Variants in FOXN2 observed in about 807,000 individuals in gnomAD.
The protein encoded by FOXN2 is forkhead box protein N2.
A neutral mutation model predicts 41.2 loss-of-function variants in FOXN2; 19 were observed. The ratio of observed to expected loss-of-function variants is 0.46; its 90% CI spans 0.32 to 0.68. The LOEUF (loss-of-function observed/expected upper bound fraction) is 0.68, where lower values mean the gene tolerates loss of function less well. Ranked by LOEUF, FOXN2 falls within the 30% of genes least tolerant of loss-of-function variation. The pLI, the probability that FOXN2 is intolerant of heterozygous loss-of-function variation, is 0.03. For synonymous variants in FOXN2, 195 were observed against 176.8 expected (o/e 1.10, Z -0.82); for missense variants, 587 against 509.4 (o/e 1.15, Z -1.47).
intron 1 of FOXN2, among the ~76,000 whole-genome samples, chr2:48,320,751 T>C (rs141742544): frequency 4.7e-4 from 71 of 152,316 alleles, no homozygotes; most frequent in African/African-American, 1.7e-3. Flanking sequence ...AAATGAATAT[T>C]TGTTAGGATG....
chr2:48,342,068 A>G (rs1450136434), intron 2 of FOXN2, among the ~76,000 whole-genome samples: 1 of 152,180 alleles, frequency 6.6e-6, no homozygotes, highest in Non-Finnish European at 1.5e-5. Flanking sequence ...CCTTGAGCTT[A>G]TTGTTTTAAT....
chr2:48,341,484 G>A (rs185615690), intron 2 of FOXN2, among the ~76,000 whole-genome samples: 1 of 152,182 alleles, frequency 6.6e-6, no homozygotes, highest in African/African-American at 2.4e-5. Context: ...AAATCTTAAT[G>A]AGAATACTAG....
chr2:48,356,376 G>A (rs1389145263), intron 3 of FOXN2, among the ~76,000 whole-genome samples: 1 of 152,092 alleles, frequency 6.6e-6, no homozygotes, highest in Non-Finnish European at 1.5e-5. Flanking sequence ...GGGAGGCGGA[G>A]GTTGCAGTGA....
chr2:48,320,542 G>A (rs755558810), intron 1 of FOXN2, among the ~76,000 whole-genome samples: 2 of 151,870 alleles, frequency 1.3e-5, no homozygotes, highest in South Asian at 4.1e-4. Flanking sequence ...TGCCCACCTC[G>A]GCCTCCCAAA....
At chr2:48,327,227 A>G (rs1204443388) in intron 1 of FOXN2, among the ~76,000 whole-genome samples, 1 of 151,902 alleles carries the variant, frequency 6.6e-6, no homozygotes, top group African/African-American at 2.4e-5. Context: ...CTGTCTCCAA[A>G]AAGAAAAAAA....
At chr2:48,338,597 C>T (rs1274944070) in intron 2 of FOXN2, among the ~76,000 whole-genome samples, 13 of 152,054 alleles carry the variant, frequency 8.5e-5, no homozygotes, top group Admixed American at 7.9e-4. Flanking sequence ...GAGGGGGTTT[C>T]ACCGTGCTAG....
At chr2:48,366,515 T>C (rs1006551756) in intron 5 of FOXN2, among the ~76,000 whole-genome samples, 2 of 152,146 alleles carry the variant, frequency 1.3e-5, no homozygotes, top group Admixed American at 1.3e-4. Flanking sequence ...CATGTTGATA[T>C]AGACCAGGTA....
chr2:48,321,392 C>T (rs1248570086), intron 1 of FOXN2, among the ~76,000 whole-genome samples: 1 of 151,948 alleles, frequency 6.6e-6, no homozygotes, highest in East Asian at 1.9e-4. Flanking sequence ...AAAAATTAGG[C>T]GGGCGTGGTG....
chr2:48,317,386 T>C (rs1668990253), intron 1 of FOXN2, among the ~76,000 whole-genome samples: 1 of 151,134 alleles, frequency 6.6e-6, no homozygotes, highest in South Asian at 2.1e-4. Flanking sequence ...GAGGTGAAGG[T>C]TGTAGTGAGT....
At chr2:48,339,933 C>G (rs1330886904) in intron 2 of FOXN2, among the ~76,000 whole-genome samples, 1 of 152,104 alleles carries the variant, frequency 6.6e-6, no homozygotes, top group Non-Finnish European at 1.5e-5. Flanking sequence ...ATACTAGTCT[C>G]TGTAAAAATG....
At chr2:48,337,068 T>G (rs1670411180) in intron 2 of FOXN2, among the ~76,000 whole-genome samples, 1 of 151,908 alleles carries the variant, frequency 6.6e-6, no homozygotes, top group Non-Finnish European at 1.5e-5. Flanking sequence ...TTTTTTTTTT[T>G]TGTACTCATT....
chr2:48,314,808 G>C lies in FOXN2; in HGVS notation c.-163G>C, dbSNP rs1668772029. 6.6e-6 allele frequency: 1 copy of C among 152,166 alleles called. No individual in the cohort carries two copies. Among genetic ancestry groups the C allele is most frequent in the African/African-American group, 2.4e-5 (1 of 41,430 alleles). The allele number at this position is 152,166 out of a possible 1,614,324, so 9.4% of individuals were successfully genotyped here. On this transcript the variant is annotated 5_prime_UTR_variant, in exon 1 of 7. Coordinates refer to ENST00000340553, the MANE Select transcript of FOXN2 (RefSeq NM_002158.4). Reference sequence around the variant, plus strand: ...GGCCGGTCCCTCGCCTCCCGGCCGAGCTGACGGTGAGTCCCGGGCGGAGCG... The same window carrying C: ...GGCCGGTCCCTCGCCTCCCGGCCGACCTGACGGTGAGTCCCGGGCGGAGCG...
At chr2:48,352,374 C>G (rs906043760) in intron 3 of FOXN2, among the ~76,000 whole-genome samples, 1 of 152,142 alleles carries the variant, frequency 6.6e-6, no homozygotes, top group South Asian at 2.1e-4. Context: ...GGGAATTCAT[C>G]TTTTCTTTGA....
At chr2:48,326,426 G>T (rs944069946) in intron 1 of FOXN2, among the ~76,000 whole-genome samples, 21 of 152,190 alleles carry the variant, frequency 1.4e-4, no homozygotes, top group African/African-American at 5.1e-4. Flanking sequence ...GATTAAGCAG[G>T]TAAGGGACAT....
chr2:48,315,507 A>G (rs908349282), intron 1 of FOXN2, among the ~76,000 whole-genome samples: 1 of 152,028 alleles, frequency 6.6e-6, no homozygotes. Context: ...CAATATGGAC[A>G]CTTCCTGTTC....
At chr2:48,373,431 CTA>C in intron 6 of FOXN2, 71 bp downstream of exon 6, 1 of 848,106 alleles carries the variant, frequency 1.2e-6, no homozygotes, top group Non-Finnish European at 1.9e-6. Flanking sequence ...TATAAAATAA[CTA>C]TTACAGACAA....
intron 1 of FOXN2, among the ~76,000 whole-genome samples, chr2:48,316,436 A>G (rs1168664810): frequency 1.3e-5 from 2 of 152,164 alleles, no homozygotes; most frequent in African/African-American, 4.8e-5. Flanking sequence ...TTTCTTTTTG[A>G]TAGTTTTAGA....
intron 2 of FOXN2, among the ~76,000 whole-genome samples, chr2:48,335,951 C>G (rs1325214877): frequency 6.6e-6 from 1 of 151,658 alleles, no homozygotes; most frequent in Non-Finnish European, 1.5e-5. Context: ...TGGCATGAAC[C>G]CAGGGGGCAG....
chr2:48,357,681 C>T (rs1047990577), intron 3 of FOXN2, among the ~76,000 whole-genome samples: 5 of 151,834 alleles, frequency 3.3e-5, no homozygotes, highest in African/African-American at 1.2e-4. Flanking sequence ...AAGCAATCAC[C>T]TTCGCCGGCT....
Sources: gnomAD v4.1 joint callset for allele counts (sites outside exome capture counted in the v4.1 genomes callset) on GRCh38, gnomAD v4.1.1 for gene constraint, MANE v1.5 for transcripts, NCBI Gene and HGNC (gene_info 2026-07-23, HGNC 2026-07-21) for gene names.